ABLIM1: variants seen among roughly 807,000 people sequenced by gnomAD.
ABLIM1 encodes actin binding LIM protein 1, also known as actin-binding LIM protein 1.
A neutral mutation model predicts 107.0 loss-of-function variants in ABLIM1; 40 were observed. That is an observed-to-expected ratio of 0.37 (90% CI 0.29 to 0.49). ABLIM1 has a LOEUF of 0.49. ABLIM1 is among the 20% of genes least tolerant of loss of function. The pLI is 0.97. For synonymous variants in ABLIM1, 357 were observed against 357.3 expected (o/e 1.00, Z 0.01); for missense variants, 857 against 1,008.5 (o/e 0.85, Z 2.04).
intron 1 of ABLIM1, among the ~76,000 whole-genome samples, chr10:114,630,483 C>G (rs986716359): frequency 1.3e-5 from 2 of 152,208 alleles, no homozygotes; most frequent in Admixed American, 1.3e-4. Context: ...ACCAAAGCTA[C>G]AGCATGTGAT....
At chr10:114,771,572 T>C (rs2083025563), upstream of ABLIM1, among the ~76,000 whole-genome samples, 1 of 152,250 alleles carries the variant, frequency 6.6e-6, no homozygotes, top group Admixed American at 6.5e-5. Flanking sequence ...AATCTCTTTC[T>C]ATAATCTCAG....
chr10:114,491,012 G>GTATATATATATATATATATATA (rs71473045), intron 7 of ABLIM1, among the ~76,000 whole-genome samples: 15 of 92,366 alleles, frequency 1.6e-4, no homozygotes, highest in East Asian at 5.1e-4. Context: ...GTGTGTGTGT[G>GTATATATATATATATATATATA]TATATATATA....
chr10:114,678,112 A>T (rs906427385), intron 1 of ABLIM1, among the ~76,000 whole-genome samples: 6 of 151,882 alleles, frequency 4.0e-5, no homozygotes, highest in Non-Finnish European at 2.9e-5. Flanking sequence ...ATAAAATCAA[A>T]TCACTTTAAT....
intron 1 of ABLIM1, among the ~76,000 whole-genome samples, chr10:114,635,139 C>G (rs1337782912): frequency 6.6e-6 from 1 of 152,226 alleles, no homozygotes; most frequent in African/African-American, 2.4e-5. Flanking sequence ...AATACGGACA[C>G]CAACCCACGG....
At chr10:114,529,564 C>T (rs1417166769) in intron 6 of ABLIM1, among the ~76,000 whole-genome samples, 1 of 152,164 alleles carries the variant, frequency 6.6e-6, no homozygotes, top group African/African-American at 2.4e-5. Context: ...TTTCCAAATT[C>T]GTGAGTTTCC....
At chr10:114,781,660 G>A in the ABLIM1 span, among the ~76,000 whole-genome samples, 2,057 of 27,814 alleles carry the variant, frequency 0.074, 25 homozygotes, top group African/African-American at 0.14. Context: ...ATATATATAT[G>A]CGTGTATATA....
intron 1 of ABLIM1, among the ~76,000 whole-genome samples, chr10:114,726,468 A>G (rs1214982406): frequency 6.6e-6 from 1 of 152,084 alleles, no homozygotes; most frequent in African/African-American, 2.4e-5. Context: ...ACATGGCAAA[A>G]GCAGGAGAAA....
rs951661808 is a variant in ABLIM1, at chr10:114,550,822, T to G, written c.674-3046A>C. On this transcript the variant is annotated intron_variant, in intron 4 of 22. Transcript: ENST00000533213. Reference sequence around the variant, plus strand: ...TTTTAATCCAAGTCTAACTGAAATTTTTCTTTATTCTTCTAATTACATAAT... The same window carrying G: ...TTTTAATCCAAGTCTAACTGAAATTGTTCTTTATTCTTCTAATTACATAAT... Among the ~76,000 whole-genome samples, 3 of 152,234 alleles carry G rather than the reference T, an allele frequency of 2.0e-5. No individual in the cohort carries two copies. In the East Asian group the frequency reaches 5.8e-4, roughly 29 times the overall value.
upstream of ABLIM1, among the ~76,000 whole-genome samples, chr10:114,769,197 G>GAAAGAAAAAAGT (rs2082975401): frequency 1.5e-5 from 1 of 64,668 alleles, no homozygotes; most frequent in Admixed American, 1.7e-4. Flanking sequence ...AAAAAAAAAA[G>GAAAGAAAAAAGT]CAAATTAGCA....
intron 3 of ABLIM1, among the ~76,000 whole-genome samples, chr10:114,574,616 A>G (rs995603764): frequency 2.6e-5 from 4 of 151,768 alleles, no homozygotes; most frequent in Admixed American, 6.6e-5. Flanking sequence ...ATTTTTTTGT[A>G]TTTTTAGTAG....
intron 13 of ABLIM1, among the ~76,000 whole-genome samples, chr10:114,452,848 G>A (rs753650862): frequency 1.3e-5 from 2 of 152,156 alleles, no homozygotes; most frequent in East Asian, 3.9e-4. Flanking sequence ...ATATCTTCAC[G>A]GGCTATGGAG....
rs371928406 is a variant in ABLIM1, at chr10:114,453,402, G to T, written c.1523C>A (p.Ala508Asp). 6.2e-7 allele frequency: 1 copy of T among 1,614,000 alleles called. No individual in the cohort carries two copies. The highest frequency in any genetic ancestry group is 8.5e-7 in the Non-Finnish European group (1 of 1,180,018). Residue 508 changes from alanine (A) to aspartate (D), a missense_variant, in exon 13 of 23, where the codon GCC becomes GAC. Transcript: ENST00000533213. ...ACCTGGAACATGGAAATGTTTAGGG[G>T]CCTGAGCGTAAGTTGGAGTTAGAGG... Reference protein sequence around the residue: ...SRPLTPTYAQAPKHFHVPDQG... With the variant: ...SRPLTPTYAQDPKHFHVPDQG...
intron 1 of ABLIM1, among the ~76,000 whole-genome samples, chr10:114,734,079 C>CA (rs112815888): frequency 0.01 from 1,572 of 152,192 alleles, 24 homozygotes; most frequent in African/African-American, 0.035. Flanking sequence ...AGGCTGGTCT[C>CA]AAACTTCTGA....
intron 4 of ABLIM1, among the ~76,000 whole-genome samples, chr10:114,550,722 C>G (rs1251591419): frequency 1.3e-5 from 2 of 152,180 alleles, no homozygotes; most frequent in East Asian, 1.9e-4. Context: ...TCCCTCCCTC[C>G]TCCTAACTCC....
intron 11 of ABLIM1, among the ~76,000 whole-genome samples, chr10:114,466,471 G>A (rs1201130628): frequency 6.6e-6 from 1 of 151,906 alleles, no homozygotes; most frequent in African/African-American, 2.4e-5. Flanking sequence ...GAAAAGGTAG[G>A]TCACATACTA....
Position 114,534,791 on chromosome 10 carries a change from A to C in ABLIM1, c.894+10214T>G, listed in dbSNP as rs189726223. Among the ~76,000 whole-genome samples, 325 of 152,280 alleles carry C rather than the reference A, an allele frequency of 2.1e-3. 1 individual carries two copies. The highest frequency in any genetic ancestry group is 3.6e-3 in the Non-Finnish European group (242 of 68,006). ...TAAATAATGCTGAAAAAAACAAAAC[A>C]TCCTTTTAACTCAAGATAAATAGAA... On this transcript the variant is annotated intron_variant, in intron 6 of 22. Transcript: ENST00000533213.
In ABLIM1 at chr10:114,441,806, A is replaced by G. The variant is rs2060237921; in HGVS notation, c.1934-20T>C. On this transcript the variant is annotated intron_variant, in intron 17 of 22. Coordinates refer to ENST00000533213, the MANE Select transcript of ABLIM1 (RefSeq NM_002313.7). ...GTGAAGCTGAGTAAGAAAAAAGTAA[A>G]AAACCAATTGTTAGGAAATCAGAAG... is the stretch of plus-strand genomic sequence containing the variant. 6.2e-7 allele frequency: 1 copy of G among 1,603,734 alleles called. No individual in the cohort carries two copies. Among genetic ancestry groups the G allele is most frequent in the Non-Finnish European group, 8.5e-7 (1 of 1,170,688 alleles).
At chr10:114,478,837 G>T (rs1298526429) in intron 8 of ABLIM1, among the ~76,000 whole-genome samples, 1 of 152,132 alleles carries the variant, frequency 6.6e-6, no homozygotes, top group Non-Finnish European at 1.5e-5. Flanking sequence ...TAAGTTTATG[G>T]TAAAATTTAC....
At chr10:114,726,745 C>A (rs909919860) in intron 1 of ABLIM1, among the ~76,000 whole-genome samples, 1 of 152,106 alleles carries the variant, frequency 6.6e-6, no homozygotes, top group Non-Finnish European at 1.5e-5. Context: ...AGCACCACTG[C>A]ACTCCAGCCT....
Sources: gnomAD v4.1 joint callset for allele counts (sites outside exome capture counted in the v4.1 genomes callset) on GRCh38, gnomAD v4.1.1 for gene constraint, MANE v1.5 for transcripts, NCBI Gene and HGNC (gene_info 2026-07-23, HGNC 2026-07-21) for gene names.